The following NXPE2 variants were observed in gnomAD, a reference collection of about 807,000 sequenced individuals.
NXPE2 encodes neurexophilin and PC-esterase domain family member 2.
NXPE2 carries 34 observed loss-of-function variants against 34.4 expected under a neutral mutation model. The ratio of observed to expected loss-of-function variants is 0.99; its 90% confidence interval spans 0.75 to 1.31. NXPE2 has a LOEUF of 1.31. Among genes scored for constraint, NXPE2 ranks in the 40% most tolerant of loss-of-function variants. NXPE2 has a pLI of 0.00. For synonymous variants in NXPE2, 235 were observed against 231.3 expected (o/e 1.02, Z -0.15); for missense variants, 649 against 672.5 (o/e 0.97, Z 0.39).
chr11:114,743,005 C>T, the NXPE2 span, among the ~76,000 whole-genome samples: 2 of 145,798 alleles, frequency 1.4e-5, no homozygotes, highest in African/African-American at 5.2e-5. Flanking sequence ...GCTGTTAAGA[C>T]TGAGTTTTGG....
the NXPE2 span, among the ~76,000 whole-genome samples, chr11:114,761,601 C>A: frequency 1.6e-5 from 2 of 122,298 alleles, no homozygotes; most frequent in Admixed American, 1.1e-4. Flanking sequence ...GAGTCTCGCT[C>A]TGTCGCCCAG....
the NXPE2 span, among the ~76,000 whole-genome samples, chr11:114,490,583 C>G: frequency 5.9e-5 from 9 of 152,256 alleles, no homozygotes; most frequent in African/African-American, 1.2e-4. Flanking sequence ...ACAAACCTGA[C>G]AAAAACAAGC....
chr11:114,800,205 A>C, the NXPE2 span, among the ~76,000 whole-genome samples: 1 of 152,210 alleles, frequency 6.6e-6, no homozygotes, highest in East Asian at 1.9e-4. Flanking sequence ...CTTTACCCCC[A>C]AAATTGCAAG....
At chr11:114,529,829 T>G in the NXPE2 span, 1 of 222,818 alleles carries the variant, frequency 4.5e-6, no homozygotes, top group Non-Finnish European at 8.9e-6. Context: ...TGGGGGGAAA[T>G]GGATCAACGC....
At chr11:114,709,055 T>C (rs1792420), downstream of NXPE2, among the ~76,000 whole-genome samples, 24,758 of 152,140 alleles carry the variant, frequency 0.16, 2,511 homozygotes, top group Non-Finnish European at 0.22. Flanking sequence ...TAAAAGAGGG[T>C]CTATTATTTC....
At chr11:114,763,592 T>A in the NXPE2 span, among the ~76,000 whole-genome samples, 1 of 152,194 alleles carries the variant, frequency 6.6e-6, no homozygotes, top group Non-Finnish European at 1.5e-5. Flanking sequence ...AGATTCTAGG[T>A]GTCTCAAGCA....
At chr11:114,617,916 C>A in the NXPE2 span, among the ~76,000 whole-genome samples, 1 of 151,994 alleles carries the variant, frequency 6.6e-6, no homozygotes, top group Non-Finnish European at 1.5e-5. Context: ...TCATGGGTAA[C>A]CACTGTAATC....
chr11:114,760,792 T>C, the NXPE2 span, among the ~76,000 whole-genome samples: 1 of 152,162 alleles, frequency 6.6e-6, no homozygotes, highest in Non-Finnish European at 1.5e-5. Context: ...TAATAACAAC[T>C]CTTCCCTGAA....
the NXPE2 span, among the ~76,000 whole-genome samples, chr11:114,575,519 A>G: frequency 3.9e-5 from 6 of 152,130 alleles, no homozygotes; most frequent in Non-Finnish European, 8.8e-5. Flanking sequence ...TAATATACAC[A>G]AATCAGTAGC....
chr11:114,581,951 A>G, the NXPE2 span, among the ~76,000 whole-genome samples: 7 of 152,208 alleles, frequency 4.6e-5, no homozygotes, highest in Non-Finnish European at 5.9e-5. Flanking sequence ...CTATTAGGCT[A>G]TGGGATACAG....
At chr11:114,804,286 G>A in the NXPE2 span, among the ~76,000 whole-genome samples, 1 of 152,168 alleles carries the variant, frequency 6.6e-6, no homozygotes, top group Non-Finnish European at 1.5e-5. Context: ...TAAGAGATTT[G>A]CTCTGGGATT....
the NXPE2 span, among the ~76,000 whole-genome samples, chr11:114,781,055 G>A: frequency 6.6e-3 from 1,007 of 152,206 alleles, 8 homozygotes; most frequent in African/African-American, 0.023. Flanking sequence ...TGGAGTGATG[G>A]GATTAGTACT....
At chr11:114,656,852 G>T in the NXPE2 span, among the ~76,000 whole-genome samples, 3 of 152,190 alleles carry the variant, frequency 2.0e-5, no homozygotes, top group South Asian at 4.2e-4. Context: ...CAGCACTTTG[G>T]GAGGCCGAGA....
upstream of NXPE2, among the ~76,000 whole-genome samples, chr11:114,677,678 G>C (rs1950873783): frequency 6.6e-6 from 1 of 152,064 alleles, no homozygotes; most frequent in African/African-American, 2.4e-5. Context: ...TGCTGGCTTA[G>C]ATGCAAACAA....
chr11:114,738,078 C>T, the NXPE2 span, among the ~76,000 whole-genome samples: 1 of 152,116 alleles, frequency 6.6e-6, no homozygotes, highest in South Asian at 2.1e-4. Flanking sequence ...CAGAGTGAGA[C>T]TCTGTCTCAA....
chr11:114,508,646 G>T, the NXPE2 span, among the ~76,000 whole-genome samples: 1 of 152,160 alleles, frequency 6.6e-6, no homozygotes, highest in African/African-American at 2.4e-5. Context: ...ATGGAGAAAG[G>T]ATTCCCTATT....
chr11:114,511,477 G>T, the NXPE2 span, among the ~76,000 whole-genome samples: 12 of 152,180 alleles, frequency 7.9e-5, no homozygotes, highest in African/African-American at 2.9e-4. Flanking sequence ...GTAATGGGGA[G>T]CTAGCTGCTG....
At chr11:114,610,612 C>A in the NXPE2 span, among the ~76,000 whole-genome samples, 3 of 137,430 alleles carry the variant, frequency 2.2e-5, no homozygotes, top group Non-Finnish European at 5.0e-5. Flanking sequence ...ACCACTGTTA[C>A]CCGGTGGATA....
the NXPE2 span, among the ~76,000 whole-genome samples, chr11:114,668,955 A>AT: frequency 6.6e-6 from 1 of 152,120 alleles, no homozygotes; most frequent in African/African-American, 2.4e-5. Context: ...AATCTCTGTG[A>AT]TTTTAACTTG....
Sources: gnomAD v4.1 joint callset for allele counts (sites outside exome capture counted in the v4.1 genomes callset) on GRCh38, gnomAD v4.1.1 for gene constraint, MANE v1.5 for transcripts, NCBI Gene and HGNC (gene_info 2026-07-23, HGNC 2026-07-21) for gene names.